RINT1: variants seen among roughly 807,000 people sequenced by gnomAD.
RINT1 encodes RAD50-interacting protein 1.
RINT1 carries 75 observed loss-of-function variants against 97.7 expected under a neutral mutation model. The observed-to-expected ratio is 0.77, with a 90% CI of 0.64 to 0.93. The LOEUF (loss-of-function observed/expected upper bound fraction) is 0.93, where lower values mean the gene tolerates loss of function less well. RINT1 is among the 40% of genes least tolerant of loss of function. The pLI is 0.00. For missense variants in RINT1, 892 were observed against 925.2 expected (o/e 0.96, Z 0.47); for synonymous variants, 303 against 326.3 (o/e 0.93, Z 0.77).
In RINT1 at chr7:105,555,151, T is replaced by C. The variant is rs1342418661; in HGVS notation, c.1595T>C (p.Leu532Pro). Residue 532 changes from leucine to proline, a missense_variant, in exon 11 of 15, where the codon CTT becomes CCT. Physicochemically the swap from Leu to Pro is moderately conservative, Grantham distance 98. Coordinates refer to ENST00000257700, the MANE Select transcript of RINT1 (RefSeq NM_021930.6). The stretch of plus-strand genomic sequence containing the variant: ...ATGAAAGAAGAGACTAGAGCTTCCC[T>C]TGGCTTTCGATACTGTGCAATTCTT... ...QVMKEETRAS[L>P]GFRYCAILNA... The C allele has an allele frequency of 6.2e-7, 1 of 1,614,010 alleles. No individual in the cohort carries two copies. The highest frequency in any genetic ancestry group is 8.5e-7 in the Non-Finnish European group (1 of 1,180,008).
At chr7:105,539,102 C>T (rs1322826713) in intron 3 of RINT1, among the ~76,000 whole-genome samples, 1 of 152,142 alleles carries the variant, frequency 6.6e-6, no homozygotes, top group East Asian at 1.9e-4. Context: ...AGGTTTGTTT[C>T]CCTAATGACC....
chr7:105,548,473 T>TTTA, intron 6 of RINT1, 81 bp from the exon 7 acceptor site: 11 of 1,355,670 alleles, frequency 8.1e-6, no homozygotes, highest in Middle Eastern at 1.8e-4. Context: ...GTTGGAAAAA[T>TTTA]TTATTGTGTG....
intron 1 of RINT1, 61 bp from the exon 2 acceptor site, chr7:105,532,763 C>A: frequency 6.4e-7 from 1 of 1,564,012 alleles, no homozygotes. Context: ...TTGGGAGCCC[C>A]GTATGCTTTC....
At position 105,547,056 on chromosome 7, in the gene RINT1, A is replaced by G. The variant is rs770919514; in HGVS notation, c.662A>G (p.His221Arg). 2 of 1,613,780 alleles carry G rather than the reference A, an allele frequency of 1.2e-6. No homozygotes were observed. Among genetic ancestry groups the G allele is most frequent in the Non-Finnish European group, 8.5e-7 (1 of 1,179,930 alleles). ...ATGAGAGCCACAGTTAAATTCTGGC[A>G]TAAAATTCTCAAGGACAAGCTTACA... Reference protein sequence around the residue: ...GFMRATVKFWHKILKDKLTSD... With the variant: ...GFMRATVKFWRKILKDKLTSD... The change falls in exon 5 of 15, where the codon CAT becomes CGT. Residue 221 changes from histidine to arginine, a missense_variant. His to Arg is a conservative substitution (Grantham distance 29). Transcript: ENST00000257700.
chr7:105,561,071 C>T (rs1262531590), intron 11 of RINT1, among the ~76,000 whole-genome samples: 3 of 148,292 alleles, frequency 2.0e-5, no homozygotes, highest in African/African-American at 7.5e-5. Flanking sequence ...ATGATGTGTT[C>T]ACGGCCTAAT....
chr7:105,542,744 A>G, intron 4 of RINT1, 95 bp downstream of exon 4: 2 of 1,208,306 alleles, frequency 1.7e-6, no homozygotes, highest in Non-Finnish European at 1.1e-6. Context: ...TGAGTTAATT[A>G]AAGATTATAA....
chr7:105,554,720 G>A (rs1248728985), intron 10 of RINT1, among the ~76,000 whole-genome samples: 3 of 152,176 alleles, frequency 2.0e-5, no homozygotes, highest in African/African-American at 4.8e-5. Context: ...GATTACAGGC[G>A]TGAGCCACCA....
chr7:105,552,639 C>A (rs370134513), intron 10 of RINT1, among the ~76,000 whole-genome samples: 1 of 142,454 alleles, frequency 7.0e-6, no homozygotes, highest in East Asian at 2.2e-4. Flanking sequence ...GAAGAAGTAT[C>A]ATTCCAGCCC....
chr7:105,544,506 C>G (rs1443296811), intron 4 of RINT1, among the ~76,000 whole-genome samples: 1 of 151,958 alleles, frequency 6.6e-6, no homozygotes, highest in East Asian at 1.9e-4. Context: ...ACAATCTCAG[C>G]TCACTGCAAC....
In RINT1 at chr7:105,542,388, T is replaced by C. The variant is rs894597566; in HGVS notation, c.274-20T>C. 7.5e-7 allele frequency: 1 copy of C among 1,337,524 alleles called. No individual in the cohort carries two copies. The highest frequency in any genetic ancestry group is 1.7e-5 in the African/African-American group (1 of 59,614). 82.9% of individuals were successfully genotyped at this position (1,337,524 alleles called of 1,614,324 possible). On this transcript the variant is annotated intron_variant, in intron 3 of 14. Coordinates refer to ENST00000257700, the MANE Select transcript of RINT1 (RefSeq NM_021930.6). Reference sequence around the variant, plus strand: ...ATTGCTGCTGTTCTTTCTTTCTTTCTTTTTTAAAATTATGGTCAGGTACTT... The same window carrying C: ...ATTGCTGCTGTTCTTTCTTTCTTTCCTTTTTAAAATTATGGTCAGGTACTT...
At chr7:105,564,963 CA>C (rs886697027) in intron 12 of RINT1, among the ~76,000 whole-genome samples, 12 of 148,292 alleles carry the variant, frequency 8.1e-5, no homozygotes, top group African/African-American at 2.5e-4. Flanking sequence ...GACTCTGTCT[CA>C]AAAAAAAAGA....
At chr7:105,539,274 C>A (rs1790364216) in intron 3 of RINT1, among the ~76,000 whole-genome samples, 1 of 151,974 alleles carries the variant, frequency 6.6e-6, no homozygotes, top group African/African-American at 2.4e-5. Flanking sequence ...TCCTTCTTAT[C>A]ATCCTCTCAT....
intron 9 of RINT1, among the ~76,000 whole-genome samples, chr7:105,551,092 G>A (rs992039577): frequency 2.0e-5 from 3 of 152,062 alleles, no homozygotes; most frequent in Admixed American, 6.6e-5. Flanking sequence ...GGAGTGGGCC[G>A]ATCATGGCTT....
rs1790483969 is a variant in RINT1 at position 105,542,179 on chromosome 7, A to G, written c.274-229A>G. 6 of 363,380 alleles carry G rather than the reference A, an allele frequency of 1.7e-5. No homozygotes were observed. The South Asian group carries it at 2.9e-4, about 18-fold the overall frequency. The allele number at this position is 363,380 out of a possible 1,614,324, so 22.5% of individuals were successfully genotyped here. On this transcript the variant is annotated intron_variant, in intron 3 of 14. Transcript: ENST00000257700. ...CCTTATTTCTATTTAAAGAAAAAAA[A>G]AAAAGAAAAGCCAGGTGTAGTGGTG...
At chr7:105,532,728 C>T in intron 1 of RINT1, 96 bp from the exon 2 acceptor site, 3 of 1,311,280 alleles carry the variant, frequency 2.3e-6, no homozygotes, top group Non-Finnish European at 3.3e-6. Context: ...CGTCTGGAAC[C>T]TCTCTTGCCT....
chr7:105,565,202 C>G, intron 12 of RINT1, 75 bp from the exon 13 acceptor site: 1 of 1,386,340 alleles, frequency 7.2e-7, no homozygotes, highest in South Asian at 1.4e-5. Flanking sequence ...AACACTTCCT[C>G]AAATTTAAAA....
At chr7:105,536,272 C>T (rs1423817034) in intron 2 of RINT1, among the ~76,000 whole-genome samples, 1 of 152,074 alleles carries the variant, frequency 6.6e-6, no homozygotes, top group Non-Finnish European at 1.5e-5. Flanking sequence ...GATTCTCGTG[C>T]CTCAGCCTCC....
chr7:105,566,997 A>G (rs1236128558), intron 14 of RINT1, 122 bp from the exon 15 acceptor site: 3 of 505,842 alleles, frequency 5.9e-6, no homozygotes, highest in Admixed American at 7.6e-5. Flanking sequence ...AAATCCATAA[A>G]TATTTTTATA....
chr7:105,562,963 T>A (rs1177624031), intron 11 of RINT1, among the ~76,000 whole-genome samples: 1 of 152,088 alleles, frequency 6.6e-6, no homozygotes, highest in East Asian at 1.9e-4. Context: ...ACAGCAGCAT[T>A]TGTTCATAAT....
Sources: gnomAD v4.1 joint callset for allele counts (sites outside exome capture counted in the v4.1 genomes callset) on GRCh38, gnomAD v4.1.1 for gene constraint, MANE v1.5 for transcripts, NCBI Gene and HGNC (gene_info 2026-07-23, HGNC 2026-07-21) for gene names.